Variants in AHCYL2 observed in about 807,000 individuals in gnomAD.
AHCYL2 encodes the protein S-adenosylhomocysteine hydrolase-like protein 2.
A neutral mutation model predicts 81.4 loss-of-function variants in AHCYL2; 28 were observed. That is an observed-to-expected ratio of 0.34 (90% confidence interval 0.25 to 0.47). The LOEUF (loss-of-function observed/expected upper bound fraction) is 0.47. AHCYL2 is among the 20% of genes least tolerant of loss of function. AHCYL2 has a pLI of 1.00. For missense variants in AHCYL2, 551 were observed against 785.1 expected, an observed-to-expected ratio of 0.70 and a Z score of 3.56; for synonymous variants, 272 against 290.2, an observed-to-expected ratio of 0.94 and a Z score of 0.64.
chr7:129,229,836 C>G (rs1409281246), intron 1 of AHCYL2, among the ~76,000 whole-genome samples: 1 of 152,172 alleles, frequency 6.6e-6, no homozygotes, highest in African/African-American at 2.4e-5. Context: ...CAGCTTCACA[C>G]TGGTAATTTA....
chr7:129,318,531 G>A (rs553169240), intron 1 of AHCYL2, among the ~76,000 whole-genome samples: 6 of 152,282 alleles, frequency 3.9e-5, no homozygotes, highest in Admixed American at 1.3e-4. Context: ...CATGGTGGTG[G>A]GTAAGATTGT....
At chr7:129,421,454 G>T (rs1330705967) in intron 12 of AHCYL2, among the ~76,000 whole-genome samples, 1 of 151,984 alleles carries the variant, frequency 6.6e-6, no homozygotes, top group African/African-American at 2.4e-5. Context: ...AACATTCTTG[G>T]GCACTTATAT....
At chr7:129,278,052 C>T (rs1320781367) in intron 1 of AHCYL2, among the ~76,000 whole-genome samples, 2 of 152,174 alleles carry the variant, frequency 1.3e-5, no homozygotes, top group Non-Finnish European at 1.5e-5. Flanking sequence ...GGTTTGAATT[C>T]CTCCACATCC....
At chr7:129,413,767 C>A in intron 12 of AHCYL2, 79 bp downstream of exon 12, 2 of 1,163,822 alleles carry the variant, frequency 1.7e-6, no homozygotes, top group Admixed American at 1.7e-5. Flanking sequence ...AGAGCAGGGT[C>A]ACAAGCCATC....
chr7:129,370,512 C>T (rs1245717608), intron 1 of AHCYL2, among the ~76,000 whole-genome samples: 1 of 152,070 alleles, frequency 6.6e-6, no homozygotes. Context: ...TCCTGGCTAA[C>T]ACAGTGAAAC....
intron 1 of AHCYL2, among the ~76,000 whole-genome samples, chr7:129,306,995 G>A (rs1274882144): frequency 1.3e-5 from 2 of 152,178 alleles, no homozygotes; most frequent in African/African-American, 4.8e-5. Context: ...ACCTAGGGGT[G>A]AGGTAACACA....
rs886111476 is a variant in AHCYL2 at position 129,419,693 on chromosome 7, CTT to C, written c.1462-3145_1462-3144del. On this transcript the variant is annotated intron_variant, in intron 12 of 16. Coordinates refer to ENST00000325006, the MANE Select transcript of AHCYL2 (RefSeq NM_015328.4). The surrounding 1 kb of genome is among the most constrained non-coding windows in gnomAD (Gnocchi z 4.7). ...AGCCGAAGAACGATTTAACCTGAGA[CTT>C]TGTGCTTTACAGGACTAGAACTACA... Among the ~76,000 whole-genome samples the C allele has an allele frequency of 1.3e-5, 2 of 150,776 alleles. No individual in the cohort carries two copies. Among genetic ancestry groups the C allele is most frequent in the Admixed American group, 6.6e-5 (1 of 15,144 alleles).
chr7:129,330,708 G>A (rs977322602), intron 1 of AHCYL2, among the ~76,000 whole-genome samples: 5 of 151,540 alleles, frequency 3.3e-5, no homozygotes, highest in Non-Finnish European at 5.9e-5. Context: ...TGATCCACCC[G>A]CCTTGGCCTC....
chr7:129,349,619 T>C (rs1000519428), intron 1 of AHCYL2, among the ~76,000 whole-genome samples: 2 of 131,228 alleles, frequency 1.5e-5, no homozygotes, highest in African/African-American at 5.8e-5. Context: ...ATCATTGCAT[T>C]CCAGCCTGGG....
intron 1 of AHCYL2, among the ~76,000 whole-genome samples, chr7:129,310,585 TAA>T (rs1249795167): frequency 6.6e-6 from 1 of 152,180 alleles, no homozygotes; most frequent in Non-Finnish European, 1.5e-5. Context: ...TATACAGATG[TAA>T]AATAAAATCA....
intron 1 of AHCYL2, among the ~76,000 whole-genome samples, chr7:129,367,050 T>C (rs1794148691): frequency 6.6e-6 from 1 of 152,174 alleles, no homozygotes; most frequent in Non-Finnish European, 1.5e-5. Flanking sequence ...GAGTTTTTGA[T>C]TGGCCTCTTC....
At chr7:129,365,628 G>GTATATAGATATATATATATA (rs1554487485) in intron 1 of AHCYL2, among the ~76,000 whole-genome samples, 1 of 124,320 alleles carries the variant, frequency 8.0e-6, no homozygotes, top group African/African-American at 3.3e-5. Context: ...GGAGGATAGA[G>GTATATAGATATATATATATA]TATATATATA....
intron 2 of AHCYL2, among the ~76,000 whole-genome samples, chr7:129,386,265 C>G (rs1309157378): frequency 6.6e-6 from 1 of 152,100 alleles, no homozygotes; most frequent in African/African-American, 2.4e-5. Flanking sequence ...GAGTTCAAGA[C>G]CAGCCTGCCC....
intron 12 of AHCYL2, among the ~76,000 whole-genome samples, chr7:129,421,796 C>G (rs1797129676): frequency 6.6e-6 from 1 of 152,136 alleles, no homozygotes; most frequent in Non-Finnish European, 1.5e-5. Context: ...CCTTGAAATA[C>G]AAAAATGAAA....
intron 1 of AHCYL2, among the ~76,000 whole-genome samples, chr7:129,356,048 C>A (rs1180148577): frequency 1.3e-5 from 2 of 152,142 alleles, no homozygotes; most frequent in Non-Finnish European, 2.9e-5. Flanking sequence ...TGGCTACTCA[C>A]ATATATATTA....
At chr7:129,382,316 T>A (rs897340227) in intron 2 of AHCYL2, among the ~76,000 whole-genome samples, 1 of 152,172 alleles carries the variant, frequency 6.6e-6, no homozygotes, top group Non-Finnish European at 1.5e-5. Flanking sequence ...TTTAAATGAC[T>A]AGGCTGGGCA....
chr7:129,411,575 C>G (rs1375688368), intron 11 of AHCYL2, among the ~76,000 whole-genome samples: 2 of 151,968 alleles, frequency 1.3e-5, no homozygotes, highest in Non-Finnish European at 2.9e-5. Flanking sequence ...GCCTGGCCAA[C>G]ATGGTGAAAC....
intron 1 of AHCYL2, among the ~76,000 whole-genome samples, chr7:129,307,373 C>G (rs1413240536): frequency 2.0e-5 from 3 of 152,078 alleles, no homozygotes; most frequent in African/African-American, 4.8e-5. Flanking sequence ...GGAGTCTCTT[C>G]CCATGTCCAC....
In AHCYL2 at chr7:129,389,210, C is replaced by T; in HGVS notation, c.619+11C>T. The T allele has an allele frequency of 9.9e-6, 16 of 1,613,688 alleles. No individual in the cohort carries two copies. Among genetic ancestry groups the T allele is most frequent in the African/African-American group, 1.3e-5 (1 of 75,016 alleles). On this transcript the variant is annotated intron_variant, in intron 3 of 16. Transcript: ENST00000325006. ...AAATTGCTGAACAAGGTAAAGAAAA[C>T]AAGCACCTTTTCCTTCTTAACCTAC...
Sources: allele counts gnomAD v4.1 joint callset (sites outside exome capture counted in the v4.1 genomes callset), GRCh38; gene constraint gnomAD v4.1.1; non-coding constraint Gnocchi (gnomAD v3.1); transcripts MANE v1.5; gene names NCBI Gene and HGNC (gene_info 2026-07-23, HGNC 2026-07-21).